MAK: variants seen among roughly 807,000 people sequenced by gnomAD.
MAK encodes the protein serine/threonine-protein kinase MAK.
Under a neutral mutation model 82.6 loss-of-function variants are expected in MAK, and 65 were observed. That is an observed-to-expected ratio of 0.79 (90% confidence interval 0.64 to 0.97). The LOEUF (loss-of-function observed/expected upper bound fraction) is 0.97. Ranked by LOEUF, MAK falls within the 50% of genes least tolerant of loss-of-function variation. The pLI is 0.00. For missense variants in MAK, 703 were observed against 780.2 expected, an observed-to-expected ratio of 0.90 and a Z score of 1.18; for synonymous variants, 250 against 274.2, an observed-to-expected ratio of 0.91 and a Z score of 0.87.
In MAK at chr6:10,764,234, C is replaced by T; in HGVS notation, c.*218G>A. 1 of 543,974 alleles carries T rather than the reference C, an allele frequency of 1.8e-6. No individual in the cohort carries two copies. The highest frequency in any genetic ancestry group is 3.4e-5 in the Admixed American group (1 of 29,452). 33.7% of individuals were successfully genotyped at this position (543,974 alleles called of 1,614,324 possible). A position where few individuals can be genotyped will look rare whatever the true frequency, so the allele number is the denominator to read the frequency against. ...AAATAGTTTATTCAATACTTTGTAA[C>T]ATCCTACCCATATATCAACACTGTG... is the stretch of plus-strand genomic sequence containing the variant. On this transcript the variant is annotated 3_prime_UTR_variant, in exon 15 of 15. Coordinates refer to ENST00000354489, the MANE Select transcript of MAK (RefSeq NM_001242957.3).
intron 4 of MAK, among the ~76,000 whole-genome samples, chr6:10,815,912 G>GTGTGTATA (rs1554184483): frequency 8.8e-4 from 95 of 108,306 alleles, no homozygotes; most frequent in Middle Eastern, 0.01. Flanking sequence ...GCTTTATACA[G>GTGTGTATA]TATATATATA....
At chr6:10,829,726 T>C (rs1264942036) in intron 2 of MAK, among the ~76,000 whole-genome samples, 1 of 152,214 alleles carries the variant, frequency 6.6e-6, no homozygotes, top group African/African-American at 2.4e-5. Context: ...GTTAAAGTAA[T>C]ATAGAAGAAA....
Position 10,825,630 on chromosome 6 carries a change from T to C in MAK, c.101+4918A>G, listed in dbSNP as rs551702879. ...CCCAGACTGAATTCAGCTTTACCCC[T>C]AAGCCTGTGATTTTCCCCTCCTTGA... On this transcript the variant is annotated intron_variant, in intron 2 of 14. Coordinates refer to ENST00000354489, the MANE Select transcript of MAK (RefSeq NM_001242957.3). Among the ~76,000 whole-genome samples, 4 of 152,110 alleles carry C rather than the reference T, an allele frequency of 2.6e-5. No homozygotes were observed. The East Asian group carries it at 7.8e-4, about 29-fold the overall frequency.
At chr6:10,798,785 C>A (rs889716827) in intron 8 of MAK, among the ~76,000 whole-genome samples, 3 of 150,932 alleles carry the variant, frequency 2.0e-5, no homozygotes, top group African/African-American at 7.3e-5. Context: ...TGCACATAAC[C>A]TAAGTTTAGA....
chr6:10,818,517 A>G (rs766058453), intron 3 of MAK, among the ~76,000 whole-genome samples: 9 of 151,972 alleles, frequency 5.9e-5, no homozygotes, highest in Non-Finnish European at 1.3e-4. Context: ...GGGAAGCTGA[A>G]GCAGGAGAAT....
Position 10,763,539 on chromosome 6 carries a change from T to A in MAK, c.*913A>T, listed in dbSNP as rs1772125016. On this transcript the variant is annotated 3_prime_UTR_variant, in exon 15 of 15. Transcript: ENST00000354489. Reference sequence around the variant, plus strand: ...GATATTCTCTATGTTAAAGATAAATTTATTTCTAAAAAAAAAAAAAAAAAG... The same window carrying A: ...GATATTCTCTATGTTAAAGATAAATATATTTCTAAAAAAAAAAAAAAAAAG... The A allele has an allele frequency of 1.1e-5, 1 of 93,482 alleles. No homozygotes were observed. The highest frequency in any genetic ancestry group is 1.1e-4 in the Admixed American group (1 of 8,742). The allele number at this position is 93,482 out of a possible 1,614,324, so 5.8% of individuals were successfully genotyped here.
intron 5 of MAK, among the ~76,000 whole-genome samples, chr6:10,813,082 AT>A (rs1379792812): frequency 3.1e-5 from 1 of 32,542 alleles, no homozygotes; most frequent in South Asian, 1.8e-3. Context: ...TATGTTATGT[AT>A]TTTTATATAT....
chr6:10,813,968 A>C (rs1324085270), intron 4 of MAK, among the ~76,000 whole-genome samples: 2 of 53,474 alleles, frequency 3.7e-5, no homozygotes, highest in Non-Finnish European at 7.7e-5. Context: ...TTAAATAGCT[A>C]ATTTTTTTTT....
intron 10 of MAK, among the ~76,000 whole-genome samples, chr6:10,786,356 G>A (rs139983108): frequency 2.6e-4 from 40 of 152,286 alleles, no homozygotes; most frequent in African/African-American, 7.2e-4. Context: ...GAGAGACCAA[G>A]CAGGGGATGG....
chr6:10,809,016 A>C, intron 5 of MAK, 74 bp from the exon 6 acceptor site: 1 of 1,308,784 alleles, frequency 7.6e-7, no homozygotes, highest in South Asian at 1.2e-5. Context: ...ATTTATAAAC[A>C]AAATATAAAT....
At position 10,773,072 on chromosome 6, in the gene MAK, C is replaced by T; in HGVS notation, c.1634G>A (p.Cys545Tyr). 6.5e-7 allele frequency: 1 copy of T among 1,530,788 alleles called. No homozygotes were observed. The highest frequency in any genetic ancestry group is 8.7e-7 in the Non-Finnish European group (1 of 1,142,924). The allele number at this position is 1,530,788 out of a possible 1,614,324, so 94.8% of individuals were successfully genotyped here. A position where few individuals can be genotyped will look rare whatever the true frequency, so the allele number is the denominator to read the frequency against. ...TAATTTTTCAGGAAAAGTTTCATTG[C>T]ATGATAGTTTTTCGATTGGTTTAAT... ...SIIKPIEKLS[C>Y]NETFPEKLED... Residue 545 changes from cysteine to tyrosine, a missense_variant, in exon 13 of 15, where the codon TGC becomes TAC. Cys to Tyr is a radical substitution (Grantham distance 194). Coordinates refer to ENST00000354489, the MANE Select transcript of MAK (RefSeq NM_001242957.3).
At position 10,793,651 on chromosome 6, in the gene MAK, C is replaced by G. The variant is rs565481316; in HGVS notation, c.1144-1804G>C. 6.6e-6 allele frequency among the ~76,000 whole-genome samples: 1 copy of G among 152,084 alleles called. No individual in the cohort carries two copies. The highest frequency in any genetic ancestry group is 6.5e-5 in the Admixed American group (1 of 15,286). ...ACAGTACTTAATCCCAGCTCTGGAACTCACCTATATAAAAATGTGTGTGTG... is the reference window on the plus strand; with the variant it reads ...ACAGTACTTAATCCCAGCTCTGGAAGTCACCTATATAAAAATGTGTGTGTG... On this transcript the variant is annotated intron_variant, in intron 9 of 14. Transcript: ENST00000354489. This position sits in a 1 kb window ranked among gnomAD's most constrained non-coding sequence, Gnocchi z 4.6.
rs1459620580 is a variant in MAK, at chr6:10,796,017, A to G, written c.1124T>C (p.Ile375Thr). The change falls in exon 9 of 15, where the codon ATC (isoleucine) becomes ACC (threonine). Residue 375 changes from isoleucine (I) to threonine (T), a missense_variant. Ile to Thr is a moderately conservative substitution (Grantham distance 89). Transcript: ENST00000354489. ...EKPPQTLFPS[I>T]VKNMPTKPNG... ...ACTCACAGTTGGCATGTTTTTGACG[A>G]TGCTCGGGAATAGCGTTTGTGGCGG... is the stretch of plus-strand genomic sequence containing the variant. 3.7e-6 allele frequency: 6 copies of G among 1,613,786 alleles called. No individual in the cohort carries two copies. In the African/African-American group the frequency reaches 5.3e-5, roughly 14 times the overall value.
intron 9 of MAK, among the ~76,000 whole-genome samples, chr6:10,795,082 A>AG (rs1248002457): frequency 3.3e-5 from 5 of 152,180 alleles, no homozygotes. Flanking sequence ...AGTACTGTTA[A>AG]AAATTCTTAA....
At chr6:10,797,528 T>C in intron 8 of MAK, 1 of 920,358 alleles carries the variant, frequency 1.1e-6, no homozygotes, top group Non-Finnish European at 1.3e-6. Flanking sequence ...ACAACGTCAG[T>C]AAGGCTAAAA....
intron 2 of MAK, among the ~76,000 whole-genome samples, chr6:10,830,109 C>T (rs532697512): frequency 4.1e-5 from 6 of 148,112 alleles, no homozygotes; most frequent in Admixed American, 2.7e-4. Context: ...AGCCACCGCA[C>T]ACAGCCTGTG....
chr6:10,834,660 T>C (rs1779037835), intron 1 of MAK, among the ~76,000 whole-genome samples: 2 of 152,140 alleles, frequency 1.3e-5, no homozygotes, highest in Non-Finnish European at 1.5e-5. Flanking sequence ...TAAACCCTAA[T>C]GCTACATCTG....
At chr6:10,788,656 A>C (rs1371741417) in intron 10 of MAK, among the ~76,000 whole-genome samples, 1 of 152,108 alleles carries the variant, frequency 6.6e-6, no homozygotes, top group Non-Finnish European at 1.5e-5. Context: ...GAATTGCTTG[A>C]ACCCTGGAGG....
intron 1 of MAK, among the ~76,000 whole-genome samples, chr6:10,832,187 T>C (rs893881626): frequency 6.6e-6 from 1 of 152,224 alleles, no homozygotes; most frequent in Non-Finnish European, 1.5e-5. Context: ...GGTTTCACCA[T>C]GTTGGCCAAG....
Sources: gnomAD v4.1 joint callset for allele counts (sites outside exome capture counted in the v4.1 genomes callset) on GRCh38, gnomAD v4.1.1 for gene constraint, Gnocchi (gnomAD v3.1) non-coding constraint, MANE v1.5 for transcripts, NCBI Gene and HGNC (gene_info 2026-07-23, HGNC 2026-07-21) for gene names.